SERPINA3: variants seen among roughly 807,000 people sequenced by gnomAD.
The protein encoded by SERPINA3 is alpha-1-antichymotrypsin.
SERPINA3 carries 32 observed loss-of-function variants against 26.8 expected under a neutral mutation model. The ratio of observed to expected loss-of-function variants is 1.20; its 90% CI spans 0.90 to 1.61. SERPINA3 has a LOEUF of 1.61. SERPINA3 is among the 40% of genes most tolerant of loss of function. SERPINA3 has a pLI of 0.00. For missense variants in SERPINA3, 632 were observed against 517.9 expected (o/e 1.22, Z -2.14); for synonymous variants, 252 against 206.4 (o/e 1.22, Z -1.89).
rs754050373 is a variant in SERPINA3, at chr14:94,619,442, G to C, written c.891G>C (p.Lys297Asn). The change falls in exon 3 of 5, where the codon AAG becomes AAC. Residue 297 changes from lysine (K) to asparagine (N), a missense_variant. By Grantham distance (94) the Lys-to-Asn change is moderately conservative. Transcript: ENST00000393078. ...CCATGCTGCTCCCAGAGACCCTGAAGCGGTGGAGAGACTCTCTGGAGTTCA... is the reference window on the plus strand; with the variant it reads ...CCATGCTGCTCCCAGAGACCCTGAACCGGTGGAGAGACTCTCTGGAGTTCA... ...VEAMLLPETL[K>N]RWRDSLEFRE... The C allele has an allele frequency of 6.2e-7, 1 of 1,614,154 alleles. No individual in the cohort carries two copies. The highest frequency in any genetic ancestry group is 8.5e-7 in the Non-Finnish European group (1 of 1,180,044).
rs776853167 is a variant in SERPINA3 at position 94,614,471 on chromosome 14, G to T, written c.30G>T (p.Leu10=). The T allele has an allele frequency of 6.2e-7, 1 of 1,614,004 alleles. No individual in the cohort carries two copies. Among genetic ancestry groups the T allele is most frequent in the Non-Finnish European group, 8.5e-7 (1 of 1,179,976 alleles). ...AGAGAATGTTACCTCTCCTGGCTCT[G>T]GGGCTCTTGGCGGCTGGGTTCTGCC... MERMLPLLA[L]GLLAAGFCPA... is the part of the protein sequence containing the mutation. The change falls in exon 2 of 5, where the codon CTG becomes CTT. Residue 10 remains leucine, a synonymous_variant. Transcript: ENST00000393078.
At position 94,614,628 on chromosome 14, in the gene SERPINA3, CAGTT is replaced by C; in HGVS notation, c.191_194del (p.Leu64SerfsTer2). The C allele has an allele frequency of 6.2e-7, 1 of 1,614,138 alleles. No individual in the cohort carries two copies. The highest frequency in any genetic ancestry group is 1.7e-5 in the Admixed American group (1 of 60,032). ...GGACTTCGCTTTCAGCCTGTACAAG[CAGTT>C]AGTCCTGAAGGCCCCTGATAAGAAT... is the stretch of plus-strand genomic sequence containing the variant. On this transcript the variant is annotated frameshift_variant, in exon 2 of 5. Transcript: ENST00000393078. LOFTEE classifies it high-confidence loss of function.
intron 1 of SERPINA3, among the ~76,000 whole-genome samples, chr14:94,612,736 T>A (rs1885829786): frequency 6.6e-6 from 1 of 152,196 alleles, no homozygotes; most frequent in African/African-American, 2.4e-5. Flanking sequence ...GAGTCAGCTG[T>A]GCATCTGACC....
Position 94,622,261 on chromosome 14 carries a change from G to A in SERPINA3, c.918-80G>A, listed in dbSNP as rs1202297366. On this transcript the variant is annotated intron_variant, in intron 3 of 4. Transcript: ENST00000393078. ...AGGGGGTGACTGTAGAGGAAACCAGGGAAGACCATGCTGCGAGGTGGGAGG... is the reference window on the plus strand; with the variant it reads ...AGGGGGTGACTGTAGAGGAAACCAGAGAAGACCATGCTGCGAGGTGGGAGG... The A allele has an allele frequency of 2.9e-6, 4 of 1,359,712 alleles. No individual in the cohort carries two copies. The East Asian group carries it at 6.9e-5, about 23-fold the overall frequency. The allele number at this position is 1,359,712 out of a possible 1,614,324, so 84.2% of individuals were successfully genotyped here. A position where few individuals can be genotyped will look rare whatever the true frequency, so the allele number is the denominator to read the frequency against.
intron 2 of SERPINA3, among the ~76,000 whole-genome samples, chr14:94,616,443 T>C (rs933174821): frequency 5.9e-5 from 9 of 152,160 alleles, no homozygotes; most frequent in African/African-American, 2.2e-4. Context: ...CGGGGCTTGG[T>C]CACTGCTGGG....
Position 94,623,907 on chromosome 14 carries a change from G to T in SERPINA3, c.*93G>T. ...GGGCACAGCCTGGCCCCTGTGCACC[G>T]AGTGGCCATGGCATGTGTGGCCCTG... On this transcript the variant is annotated 3_prime_UTR_variant, in exon 5 of 5. Coordinates refer to ENST00000393078, the MANE Select transcript of SERPINA3 (RefSeq NM_001085.5). The T allele has an allele frequency of 1.8e-6, 2 of 1,100,150 alleles. No homozygotes were observed. Among genetic ancestry groups the T allele is most frequent in the Non-Finnish European group, 2.8e-6 (2 of 722,016 alleles). 68.1% of individuals were successfully genotyped at this position (1,100,150 alleles called of 1,614,324 possible).
intron 2 of SERPINA3, among the ~76,000 whole-genome samples, 182 bp downstream of exon 2, chr14:94,615,266 A>T (rs1339610206): frequency 6.6e-6 from 1 of 152,246 alleles, no homozygotes; most frequent in Admixed American, 6.5e-5. Flanking sequence ...GTTTTTCCAA[A>T]TTACAGTTTG....
At chr14:94,621,310 C>A (rs1433344608) in intron 3 of SERPINA3, among the ~76,000 whole-genome samples, 1 of 152,194 alleles carries the variant, frequency 6.6e-6, no homozygotes, top group Non-Finnish European at 1.5e-5. Flanking sequence ...TCTCCAAACA[C>A]TTTTGATTTA....
intron 2 of SERPINA3, chr14:94,615,559 G>T: frequency 4.9e-6 from 2 of 411,386 alleles, no homozygotes; most frequent in Middle Eastern, 5.0e-4. Flanking sequence ...AGGTGGGGCT[G>T]GGGCCATCTT....
chr14:94,623,854 G>A lies in SERPINA3; in HGVS notation c.*40G>A, dbSNP rs1248071667. On this transcript the variant is annotated 3_prime_UTR_variant, in exon 5 of 5. Coordinates refer to ENST00000393078, the MANE Select transcript of SERPINA3 (RefSeq NM_001085.5). The stretch of plus-strand genomic sequence containing the variant: ...CAGTGGGGCTCTCAGTAAGGAACTT[G>A]GAATGCAAGCTGGATGCCTGGGTCT... 2 of 1,577,136 alleles carry A rather than the reference G, an allele frequency of 1.3e-6. No individual in the cohort carries two copies. Among genetic ancestry groups the A allele is most frequent in the Admixed American group, 1.7e-5 (1 of 59,980 alleles).
rs758030744 is a variant in SERPINA3, at chr14:94,622,457, G to A, written c.1034G>A (p.Gly345Glu). The A allele has an allele frequency of 2.0e-5, 33 of 1,614,144 alleles. No individual in the cohort carries two copies. In the South Asian group the frequency reaches 2.6e-4, roughly 13 times the overall value. The change falls in exon 4 of 5, where the codon GGG (glycine) becomes GAG (glutamate). Residue 345 changes from glycine (G) to glutamate (E), a missense_variant. Gly to Glu is a moderately conservative substitution (Grantham distance 98, BLOSUM62 -2). Transcript: ENST00000393078. ...TTCACCAGCAAGGCTGACCTGTCAG[G>A]GATCACAGGGGCCAGGAACCTAGCA... ...EAFTSKADLSGITGARNLAVS... is the reference protein window; with the variant it reads ...EAFTSKADLSEITGARNLAVS...
At chr14:94,618,780 A>G in intron 2 of SERPINA3, 1 of 300,040 alleles carries the variant, frequency 3.3e-6, no homozygotes, top group Non-Finnish European at 6.4e-6. Flanking sequence ...CCACTGTTAT[A>G]TGTTCACATC....
At chr14:94,620,190 G>C (rs1213619537) in intron 3 of SERPINA3, among the ~76,000 whole-genome samples, 1 of 152,106 alleles carries the variant, frequency 6.6e-6, no homozygotes, top group South Asian at 2.1e-4. Flanking sequence ...AGAGGGGAGG[G>C]GTGGAGTCAT....
At chr14:94,614,071 C>T (rs1220057089) in intron 1 of SERPINA3, 7 of 272,418 alleles carry the variant, frequency 2.6e-5, no homozygotes, top group Middle Eastern at 1.3e-3. Context: ...GAGGAGCAGG[C>T]ATTCTGATTG....
Position 94,622,375 on chromosome 14 carries a change from A to G in SERPINA3, c.952A>G (p.Ile318Val). ...IGELYLPKFS[I>V]SRDYNLNDIL... ...TGAGCTCTACCTGCCAAAGTTTTCC[A>G]TCTCGAGGGACTATAACCTGAACGA... is the stretch of plus-strand genomic sequence containing the variant. Residue 318 changes from isoleucine to valine, a missense_variant, in exon 4 of 5, where the codon ATC becomes GTC. Physicochemically the swap from Ile to Val is conservative, Grantham distance 29 (BLOSUM62 3). Coordinates refer to ENST00000393078, the MANE Select transcript of SERPINA3 (RefSeq NM_001085.5). 1 of 1,613,852 alleles carries G rather than the reference A, an allele frequency of 6.2e-7. No homozygotes were observed. Among genetic ancestry groups the G allele is most frequent in the Non-Finnish European group, 8.5e-7 (1 of 1,179,972 alleles).
intron 3 of SERPINA3, chr14:94,619,763 C>G (rs2139961577): frequency 2.1e-6 from 1 of 477,628 alleles, no homozygotes; most frequent in East Asian, 4.0e-5. Context: ...TGGTCTCAAT[C>G]TCTTGAAGGG....
intron 2 of SERPINA3, chr14:94,618,019 C>A (rs1013799694): frequency 6.6e-6 from 1 of 152,094 alleles, no homozygotes. Flanking sequence ...AGTTTCCTGA[C>A]CCCTGTTCTA....
rs777214595 is a variant in SERPINA3 at position 94,622,379 on chromosome 14, C to A, written c.956C>A (p.Ser319Ter). 1 of 1,613,824 alleles carries A rather than the reference C, an allele frequency of 6.2e-7. No homozygotes were observed. The highest frequency in any genetic ancestry group is 1.3e-5 in the African/African-American group (1 of 74,858). The change falls in exon 4 of 5, where the codon TCG becomes TAG. Residue 319 changes from serine (S) to a stop codon, truncating the protein, a stop_gained. Coordinates refer to ENST00000393078, the MANE Select transcript of SERPINA3 (RefSeq NM_001085.5). LOFTEE classifies it high-confidence loss of function. ...GELYLPKFSI[S>*]RDYNLNDILL... ...CTCTACCTGCCAAAGTTTTCCATCT[C>A]GAGGGACTATAACCTGAACGACATA... is the stretch of plus-strand genomic sequence containing the variant.
At chr14:94,622,135 A>C (rs1474330489) in intron 3 of SERPINA3, among the ~76,000 whole-genome samples, 1 of 152,230 alleles carries the variant, frequency 6.6e-6, no homozygotes, top group African/African-American at 2.4e-5. Context: ...TGCTGCCTGG[A>C]GACTTTCACA....
Sources: gnomAD v4.1 joint callset for allele counts (sites outside exome capture counted in the v4.1 genomes callset) on GRCh38, gnomAD v4.1.1 for gene constraint, MANE v1.5 for transcripts, NCBI Gene and HGNC (gene_info 2026-07-23, HGNC 2026-07-21) for gene names.